Variants in EBF1 observed in about 807,000 individuals in gnomAD.
EBF1 encodes transcription factor COE1.
EBF1 carries 10 observed loss-of-function variants against 68.4 expected under a neutral mutation model. The observed-to-expected ratio is 0.15, with a 90% CI of 0.09 to 0.25. EBF1 has a LOEUF of 0.25. Ranked by LOEUF, EBF1 falls within the 10% of genes least tolerant of loss-of-function variation. The pLI is 1.00. For synonymous variants in EBF1, 298 were observed against 299.8 expected (o/e 0.99, Z 0.06); for missense variants, 509 against 794.4 (o/e 0.64, Z 4.32).
intron 6 of EBF1, among the ~76,000 whole-genome samples, chr5:158,904,417 T>C (rs983847673): frequency 2.0e-5 from 3 of 152,190 alleles, no homozygotes; most frequent in Non-Finnish European, 2.9e-5. Flanking sequence ...AGCCCAAAAC[T>C]TCAAAGCACA....
intron 6 of EBF1, among the ~76,000 whole-genome samples, chr5:159,009,171 G>T (rs563149679): frequency 6.6e-5 from 10 of 152,312 alleles, no homozygotes; most frequent in East Asian, 1.9e-4. Flanking sequence ...CTTGCCTAAA[G>T]TCACACAGCT....
In EBF1 at chr5:159,018,537, C is replaced by CT. The variant is rs536140534; in HGVS notation, c.554+54858dup. On this transcript the variant is annotated intron_variant, in intron 6 of 15. Transcript: ENST00000313708. ...TAAACTATTCTTAGCATTCTTTTCT[C>CT]TTTTTTAATTTTTTGTTCCAGCACA... Among the ~76,000 whole-genome samples, 97 of 152,276 alleles carry CT rather than the reference C, an allele frequency of 6.4e-4. 1 individual carries two copies. In the South Asian group the frequency reaches 0.019, roughly 31 times the overall value.
chr5:158,804,365 TCTTA>T (rs1781180406), intron 8 of EBF1, among the ~76,000 whole-genome samples: 1 of 152,106 alleles, frequency 6.6e-6, no homozygotes, highest in South Asian at 2.1e-4. Context: ...TTTGCAGCTT[TCTTA>T]TTTTATTCTG....
chr5:158,814,040 C>CA (rs553680435), intron 8 of EBF1, among the ~76,000 whole-genome samples: 2 of 151,748 alleles, frequency 1.3e-5, no homozygotes, highest in Non-Finnish European at 2.9e-5. Context: ...AAATATAAGA[C>CA]AAAAAAAATT....
In EBF1 at chr5:158,892,100, A is replaced by C. The variant is rs559869308; in HGVS notation, c.555-51990T>G. ...TATATGCACACACACACACATACAC[A>C]TACACACACATATTTATAGTCCTTC... On this transcript the variant is annotated intron_variant, in intron 6 of 15. Coordinates refer to ENST00000313708, the MANE Select transcript of EBF1 (RefSeq NM_024007.5). Among the ~76,000 whole-genome samples, 309 of 152,146 alleles carry C rather than the reference A, an allele frequency of 2.0e-3. 2 individuals carry two copies. Among genetic ancestry groups the C allele is most frequent in the African/African-American group, 7.2e-3 (301 of 41,532 alleles).
chr5:158,784,230 G>A (rs531121141), intron 9 of EBF1, among the ~76,000 whole-genome samples: 3 of 152,340 alleles, frequency 2.0e-5, no homozygotes, highest in African/African-American at 7.2e-5. Context: ...TTTCAGGAAA[G>A]TTAAGAAATA....
chr5:158,876,530 C>T (rs1366066811), intron 6 of EBF1, among the ~76,000 whole-genome samples: 5 of 152,096 alleles, frequency 3.3e-5, no homozygotes, highest in Non-Finnish European at 5.9e-5. Flanking sequence ...GTGAGACCTC[C>T]GAGGGCATAG....
intron 6 of EBF1, among the ~76,000 whole-genome samples, chr5:158,948,876 A>C (rs1815403145): frequency 6.6e-6 from 1 of 151,804 alleles, no homozygotes; most frequent in Non-Finnish European, 1.5e-5. Context: ...CCCGCCCCTC[A>C]GTTTATTTTA....
chr5:158,820,536 G>T (rs1411286150), intron 8 of EBF1, among the ~76,000 whole-genome samples: 1 of 152,144 alleles, frequency 6.6e-6, no homozygotes, highest in Non-Finnish European at 1.5e-5. Context: ...CAGAGAAGCA[G>T]ATTTCTATGC....
rs181556893 is a variant in EBF1, at chr5:159,025,626, G to A, written c.554+47770C>T. On this transcript the variant is annotated intron_variant, in intron 6 of 15. Coordinates refer to ENST00000313708, the MANE Select transcript of EBF1 (RefSeq NM_024007.5). ...CTCTGCAACATTCACTCTGAGAACC[G>A]ATGTGGAACTAATAGCAGCCTTTTT... Among the ~76,000 whole-genome samples, 129 of 152,314 alleles carry A rather than the reference G, an allele frequency of 8.5e-4. 1 individual carries two copies. The Middle Eastern group carries it at 0.01, about 12-fold the overall frequency.
At chr5:158,992,976 T>A (rs1460044129) in intron 6 of EBF1, among the ~76,000 whole-genome samples, 3 of 130,660 alleles carry the variant, frequency 2.3e-5, no homozygotes, top group African/African-American at 5.7e-5. Context: ...TTGCCCAGGC[T>A]AGAGTGCAAT....
At chr5:158,962,730 G>C (rs186127382) in intron 6 of EBF1, among the ~76,000 whole-genome samples, 1 of 152,320 alleles carries the variant, frequency 6.6e-6, no homozygotes, top group African/African-American at 2.4e-5. Context: ...AGAAGTCTGA[G>C]AGCAAGGTAT....
At chr5:158,756,445 T>A (rs181923365) in intron 10 of EBF1, among the ~76,000 whole-genome samples, 9 of 152,246 alleles carry the variant, frequency 5.9e-5, no homozygotes, top group Admixed American at 5.2e-4. Context: ...CCCCCTTTAT[T>A]TTTTTAAATT....
chr5:158,852,134 T>A (rs1160424101), intron 6 of EBF1, among the ~76,000 whole-genome samples: 1 of 144,480 alleles, frequency 6.9e-6, no homozygotes, highest in African/African-American at 2.6e-5. Context: ...GGAAACTTTA[T>A]GCTTCAAGGA....
chr5:158,927,747 G>A (rs1275497070), intron 6 of EBF1, among the ~76,000 whole-genome samples: 1 of 152,132 alleles, frequency 6.6e-6, no homozygotes, highest in East Asian at 1.9e-4. Context: ...CTTGTGTTTG[G>A]CTATCAATTA....
At chr5:159,074,524 G>T (rs748708804) in intron 5 of EBF1, among the ~76,000 whole-genome samples, 1 of 152,122 alleles carries the variant, frequency 6.6e-6, no homozygotes, top group African/African-American at 2.4e-5. Context: ...ACACACATAC[G>T]CGCACACTTA....
Position 158,777,393 on chromosome 5 carries a change from C to A in EBF1, c.1036+20G>T. 6.2e-7 allele frequency: 1 copy of A among 1,601,670 alleles called. No homozygotes were observed. The highest frequency in any genetic ancestry group is 8.5e-7 in the Non-Finnish European group (1 of 1,172,922). ...CAAGACCACGGCAGTTCTGTGCTCA[C>A]CATGTGCTGTGGTTCTTACCTGTAT... is the stretch of plus-strand genomic sequence containing the variant. On this transcript the variant is annotated intron_variant, in intron 10 of 15. Coordinates refer to ENST00000313708, the MANE Select transcript of EBF1 (RefSeq NM_024007.5).
chr5:158,932,521 T>A (rs1264309674), intron 6 of EBF1, among the ~76,000 whole-genome samples: 1 of 152,232 alleles, frequency 6.6e-6, no homozygotes, highest in Non-Finnish European at 1.5e-5. Context: ...GCAATTTTAA[T>A]GTTTATCTTT....
At chr5:158,718,404 G>T (rs555636982) in intron 11 of EBF1, among the ~76,000 whole-genome samples, 1 of 152,134 alleles carries the variant, frequency 6.6e-6, no homozygotes, top group South Asian at 2.1e-4. Flanking sequence ...CACTCCTTTT[G>T]CCTTCCCCTT....
Sources: gnomAD v4.1 joint callset for allele counts (sites outside exome capture counted in the v4.1 genomes callset) on GRCh38, gnomAD v4.1.1 for gene constraint, MANE v1.5 for transcripts, NCBI Gene and HGNC (gene_info 2026-07-23, HGNC 2026-07-21) for gene names.